The following NIBAN2 variants were observed in gnomAD, a reference collection of about 807,000 sequenced individuals.
NIBAN2 encodes the protein niban apoptosis regulator 2, also known as protein Niban 2.
A neutral mutation model predicts 81.8 loss-of-function variants in NIBAN2; 36 were observed. The observed-to-expected ratio is 0.44, with a 90% confidence interval of 0.34 to 0.58. The LOEUF (loss-of-function observed/expected upper bound fraction) is 0.58. Among genes scored for constraint, NIBAN2 ranks in the 20% least tolerant of loss-of-function variants. The pLI, the probability that NIBAN2 is intolerant of heterozygous loss-of-function variation, is 0.02. For missense variants in NIBAN2, 897 were observed against 1,014.1 expected (o/e 0.88, Z 1.57); for synonymous variants, 445 against 441.6 (o/e 1.01, Z -0.10).
At chr9:127,540,378 G>C (rs913041992) in intron 1 of NIBAN2, among the ~76,000 whole-genome samples, 4 of 152,100 alleles carry the variant, frequency 2.6e-5, no homozygotes, top group Non-Finnish European at 5.9e-5. Flanking sequence ...AGGAGTCCAG[G>C]GGTTCTCAGA....
At chr9:127,509,154 G>A (rs1472576608) in intron 9 of NIBAN2, 23 bp from the exon 10 acceptor site, 3 of 1,593,032 alleles carry the variant, frequency 1.9e-6, no homozygotes, top group Non-Finnish European at 1.7e-6. Flanking sequence ...GGGCCGCGGG[G>A]GCTGAGCAGG....
At chr9:127,546,597 T>C (rs751612391) in intron 1 of NIBAN2, among the ~76,000 whole-genome samples, 4 of 152,122 alleles carry the variant, frequency 2.6e-5, no homozygotes, top group Non-Finnish European at 4.4e-5. Flanking sequence ...TCACAACCAC[T>C]GGGGCAGGGC....
At chr9:127,575,292 G>A (rs930949522) in intron 1 of NIBAN2, among the ~76,000 whole-genome samples, 2 of 149,958 alleles carry the variant, frequency 1.3e-5, no homozygotes, top group Non-Finnish European at 1.5e-5. Flanking sequence ...GCAGTGGTGC[G>A]ATCTCGGCTC....
chr9:127,522,590 C>A (rs1836964591), intron 5 of NIBAN2, among the ~76,000 whole-genome samples: 1 of 152,096 alleles, frequency 6.6e-6, no homozygotes, highest in African/African-American at 2.4e-5. Flanking sequence ...CCCCTCCAGC[C>A]CCATTTCAGG....
chr9:127,559,218 C>G lies in NIBAN2; in HGVS notation c.55+9602G>C, dbSNP rs955345037. ...CATGTCACTGCTTTGTCCCCAGTTC[C>G]CAGCTCAGGCCAGGAACAGGACAGC... On this transcript the variant is annotated intron_variant, in intron 1 of 13. Transcript: ENST00000373312. This position sits in a 1 kb window ranked among gnomAD's most constrained non-coding sequence, Gnocchi z 4.0. Among the ~76,000 whole-genome samples, 1 of 152,214 alleles carries G rather than the reference C, an allele frequency of 6.6e-6. No homozygotes were observed. The highest frequency in any genetic ancestry group is 2.4e-5 in the African/African-American group (1 of 41,440).
intron 1 of NIBAN2, among the ~76,000 whole-genome samples, chr9:127,558,995 C>T (rs1837725422): frequency 6.6e-6 from 1 of 152,176 alleles, no homozygotes; most frequent in African/African-American, 2.4e-5. Context: ...GTGCCGAAGG[C>T]CACACAGCTT....
At position 127,536,063 on chromosome 9, in the gene NIBAN2, G is replaced by C. The variant is rs557707837; in HGVS notation, c.56-4285C>G. ...CGACCACGGGAGAGCTAGAAAGGGAGGACCATGGGAAACAGGGCCACGGAT... is the reference window on the plus strand; with the variant it reads ...CGACCACGGGAGAGCTAGAAAGGGACGACCATGGGAAACAGGGCCACGGAT... On this transcript the variant is annotated intron_variant, in intron 1 of 13. Coordinates refer to ENST00000373312, the MANE Select transcript of NIBAN2 (RefSeq NM_022833.4). This position sits in a 1 kb window ranked among gnomAD's most constrained non-coding sequence, Gnocchi z 4.0. Among the ~76,000 whole-genome samples, 92 of 152,252 alleles carry C rather than the reference G, an allele frequency of 6.0e-4. No individual in the cohort carries two copies. Among genetic ancestry groups the C allele is most frequent in the Non-Finnish European group, 1.1e-3 (78 of 68,014 alleles).
At chr9:127,543,643 C>A (rs1837421126) in intron 1 of NIBAN2, among the ~76,000 whole-genome samples, 1 of 152,182 alleles carries the variant, frequency 6.6e-6, no homozygotes, top group Non-Finnish European at 1.5e-5. Flanking sequence ...TCCTTCCCAT[C>A]CCCACACCCT....
chr9:127,577,282 T>G (rs1838021565), intron 1 of NIBAN2, among the ~76,000 whole-genome samples: 1 of 152,090 alleles, frequency 6.6e-6, no homozygotes, highest in Admixed American at 6.5e-5. Flanking sequence ...TACTGCAGCC[T>G]GGGTGACAGA....
At chr9:127,523,362 G>C (rs1334375876) in intron 5 of NIBAN2, among the ~76,000 whole-genome samples, 1 of 150,166 alleles carries the variant, frequency 6.7e-6, no homozygotes, top group Non-Finnish European at 1.5e-5. Flanking sequence ...CAAGAGGTAA[G>C]TCAGTTCCCT....
Position 127,575,934 on chromosome 9 carries a change from C to T in NIBAN2, c.16+2988G>A, listed in dbSNP as rs185631839. The stretch of plus-strand genomic sequence containing the variant: ...CAGAGAGGACATTTCTGCACCCTGC[C>T]CCCCTACTAGGTCAGGCCTGCCATT... On this transcript the variant is annotated intron_variant, in intron 1 of 13. Coordinates refer to the NIBAN2 transcript ENST00000373314. 8.5e-5 allele frequency among the ~76,000 whole-genome samples: 13 copies of T among 152,262 alleles called. No individual in the cohort carries two copies. The East Asian group carries it at 2.3e-3, about 27-fold the overall frequency.
rs539417380 is a variant in NIBAN2, at chr9:127,507,129, T to C, written c.1957A>G (p.Ile653Val). ...AGACCTTGGGCCAGCAGGCCTCGGA[T>C]CTCAGTGACACCGTCCGGGGACGCA... ...PPASPDGVTE[I>V]RGLLAQGLRP... Residue 653 changes from isoleucine (I) to valine (V), a missense_variant, in exon 14 of 14, where the codon ATC becomes GTC. By Grantham distance (29) the Ile-to-Val change is conservative. Around this residue, in one of 3 missense-constraint regions of NIBAN2, gnomAD observed 619 missense variants for 691.0 expected, o/e 0.90. Coordinates refer to ENST00000373312, the MANE Select transcript of NIBAN2 (RefSeq NM_022833.4). This position sits in a 1 kb window ranked among gnomAD's most constrained non-coding sequence, Gnocchi z 6.8. 1 of 1,598,406 alleles carries C rather than the reference T, an allele frequency of 6.3e-7. No homozygotes were observed.
intron 1 of NIBAN2, among the ~76,000 whole-genome samples, chr9:127,575,115 G>C (rs7870483): frequency 0.042 from 6,352 of 152,180 alleles, 211 homozygotes; most frequent in African/African-American, 0.084. Context: ...TGGCACTGGG[G>C]GCCCCTGCCA....
intron 8 of NIBAN2, among the ~76,000 whole-genome samples, chr9:127,514,587 T>C (rs746640329): frequency 6.6e-6 from 1 of 152,168 alleles, no homozygotes; most frequent in East Asian, 1.9e-4. Context: ...ACAACAGCAA[T>C]GAAAAATACC....
chr9:127,577,032 C>G (rs1423280656), intron 1 of NIBAN2, among the ~76,000 whole-genome samples: 1 of 151,562 alleles, frequency 6.6e-6, no homozygotes, highest in Non-Finnish European at 1.5e-5. Flanking sequence ...TTTAAAGTAA[C>G]AGATGAGGCC....
chr9:127,513,082 T>C (rs1382875578), intron 8 of NIBAN2, among the ~76,000 whole-genome samples: 1 of 152,218 alleles, frequency 6.6e-6, no homozygotes, highest in Non-Finnish European at 1.5e-5. Context: ...TGGTTGGAGC[T>C]GGAGGTCATT....
intron 1 of NIBAN2, among the ~76,000 whole-genome samples, chr9:127,562,985 T>C (rs2249710): frequency 0.58 from 87,578 of 152,002 alleles, 26,251 homozygotes; most frequent in African/African-American, 0.74. Flanking sequence ...TCGACACAGA[T>C]GGGAAGTACT....
chr9:127,565,946 TCACACACACACA>T (rs10682812), intron 1 of NIBAN2, among the ~76,000 whole-genome samples: 4 of 130,618 alleles, frequency 3.1e-5, no homozygotes, highest in Non-Finnish European at 6.3e-5. Flanking sequence ...TCTCTCTCTC[TCACACACACACA>T]CACACACACA....
In NIBAN2 at chr9:127,527,299, G is replaced by C; in HGVS notation, c.210C>G (p.Val70=). Residue 70 remains valine (V), a synonymous_variant, in exon 3 of 14, where the codon GTC becomes GTG. Coordinates refer to ENST00000373312, the MANE Select transcript of NIBAN2 (RefSeq NM_022833.4). ...WRKVPLDERI[V]FSGNLFQHQE... is the part of the protein sequence containing the mutation. ...GGTGCTGGAAGAGGTTCCCCGAGAA[G>C]ACGATGCGCTCGTCCAGTGGCACCT... 1 of 1,613,780 alleles carries C rather than the reference G, an allele frequency of 6.2e-7. No homozygotes were observed. Among genetic ancestry groups the C allele is most frequent in the South Asian group, 1.1e-5 (1 of 91,064 alleles).
Sources: allele counts gnomAD v4.1 joint callset (sites outside exome capture counted in the v4.1 genomes callset), GRCh38; gene constraint gnomAD v4.1.1; regional missense constraint gnomAD v4.1.1; non-coding constraint Gnocchi (gnomAD v3.1); transcripts MANE v1.5; gene names NCBI Gene and HGNC (gene_info 2026-07-23, HGNC 2026-07-21).